The following SLC38A6 variants were observed in gnomAD, a reference collection of about 807,000 sequenced individuals.
SLC38A6 encodes the protein N system amino acid transporter NAT-1.
SLC38A6 carries 73 observed loss-of-function variants against 65.0 expected under a neutral mutation model. That is an observed-to-expected ratio of 1.12 (90% CI 0.93 to 1.37). The LOEUF (loss-of-function observed/expected upper bound fraction) is 1.37. SLC38A6 is among the 40% of genes most tolerant of loss of function. The pLI is 0.00. For missense variants in SLC38A6, 561 were observed against 531.1 expected (o/e 1.06, Z -0.55); for synonymous variants, 183 against 178.8 (o/e 1.02, Z -0.19).
At chr14:61,069,535 C>G (rs1035954837) in intron 15 of SLC38A6, among the ~76,000 whole-genome samples, 1 of 152,110 alleles carries the variant, frequency 6.6e-6, no homozygotes, top group African/African-American at 2.4e-5. Flanking sequence ...TTACTCCTCT[C>G]CCTACTCCCA....
In SLC38A6 at chr14:61,012,933, G is replaced by T. The variant is rs544852687; in HGVS notation, c.311-2971G>T. Among the ~76,000 whole-genome samples the T allele has an allele frequency of 2.0e-5, 3 of 152,092 alleles. No homozygotes were observed. The South Asian group carries it at 6.2e-4, about 32-fold the overall frequency. On this transcript the variant is annotated intron_variant, in intron 3 of 15. Coordinates refer to ENST00000267488, the MANE Select transcript of SLC38A6 (RefSeq NM_153811.3). ...TGCAGAGCTGAGTTCAATTCCTGGAGATCCTTGTTAACTTTCTGTCTCGTG... is the reference window on the plus strand; with the variant it reads ...TGCAGAGCTGAGTTCAATTCCTGGATATCCTTGTTAACTTTCTGTCTCGTG...
chr14:61,011,992 G>A (rs1464103391), intron 3 of SLC38A6, among the ~76,000 whole-genome samples: 1 of 152,112 alleles, frequency 6.6e-6, no homozygotes, highest in African/African-American at 2.4e-5. Context: ...GGTAAAATTC[G>A]GCTGTGATTG....
intron 1 of SLC38A6, chr14:60,982,162 G>A (rs1374466630): frequency 8.6e-6 from 4 of 463,504 alleles, no homozygotes; most frequent in Non-Finnish European, 1.7e-5. Flanking sequence ...CAATTCTTTA[G>A]TAATCACATG....
At chr14:61,067,520 G>A (rs994810834) in intron 15 of SLC38A6, among the ~76,000 whole-genome samples, 15 of 152,196 alleles carry the variant, frequency 9.9e-5, no homozygotes, top group African/African-American at 3.4e-4. Flanking sequence ...TAGTTTCATA[G>A]TAAATATTAT....
At chr14:61,061,671 G>T (rs2042845927) in intron 15 of SLC38A6, among the ~76,000 whole-genome samples, 1 of 152,010 alleles carries the variant, frequency 6.6e-6, no homozygotes, top group African/African-American at 2.4e-5. Context: ...GTCTTTTTGT[G>T]GCTTAATAGC....
At chr14:61,082,748 C>T (rs565479982) in intron 16 of SLC38A6, among the ~76,000 whole-genome samples, 4 of 152,300 alleles carry the variant, frequency 2.6e-5, no homozygotes, top group African/African-American at 7.2e-5. Context: ...CTGCTCATGA[C>T]TGCAGGGATC....
intron 15 of SLC38A6, among the ~76,000 whole-genome samples, chr14:61,069,159 T>C (rs2043135730): frequency 6.6e-6 from 1 of 152,206 alleles, no homozygotes; most frequent in Admixed American, 6.5e-5. Flanking sequence ...TTCTTAGAGC[T>C]TCCCAGATGA....
intron 15 of SLC38A6, among the ~76,000 whole-genome samples, chr14:61,064,644 G>T (rs1236219626): frequency 1.3e-5 from 2 of 149,214 alleles, no homozygotes; most frequent in African/African-American, 5.0e-5. Context: ...TGAGAGCAGT[G>T]CCCCCTTCAG....
intron 3 of SLC38A6, among the ~76,000 whole-genome samples, chr14:61,008,142 A>T (rs2039286946): frequency 6.6e-6 from 1 of 152,170 alleles, no homozygotes; most frequent in South Asian, 2.1e-4. Flanking sequence ...ATTCAAAGCT[A>T]AATTGCCCTT....
intron 15 of SLC38A6, 84 bp downstream of exon 15, chr14:61,052,219 A>T: frequency 1.5e-5 from 19 of 1,287,278 alleles, no homozygotes; most frequent in Non-Finnish European, 2.0e-5. Context: ...TGCATCAAGA[A>T]AGTCAATATA....
intron 5 of SLC38A6, among the ~76,000 whole-genome samples, chr14:61,021,606 C>G (rs750714926): frequency 1.1e-4 from 16 of 152,134 alleles, no homozygotes; most frequent in Non-Finnish European, 2.4e-4. Flanking sequence ...GTTTTCCCAA[C>G]TCTTAATTTT....
intron 12 of SLC38A6, among the ~76,000 whole-genome samples, chr14:61,046,530 T>C (rs2042159311): frequency 6.6e-6 from 1 of 152,118 alleles, no homozygotes; most frequent in Non-Finnish European, 1.5e-5. Context: ...GTTGGGTGAG[T>C]CAGTCATCTT....
chr14:61,066,481 A>C (rs995135211), intron 15 of SLC38A6, among the ~76,000 whole-genome samples: 1 of 152,180 alleles, frequency 6.6e-6, no homozygotes, highest in Non-Finnish European at 1.5e-5. Context: ...GTACAAAGTA[A>C]ATGGGTAGAA....
intron 5 of SLC38A6, among the ~76,000 whole-genome samples, chr14:61,025,470 T>C (rs1228897157): frequency 6.6e-6 from 1 of 152,198 alleles, no homozygotes; most frequent in Non-Finnish European, 1.5e-5. Context: ...TCTTGAGACT[T>C]GTCTAGAAAT....
intron 16 of SLC38A6, among the ~76,000 whole-genome samples, chr14:61,082,755 G>T (rs766029099): frequency 8.5e-5 from 13 of 152,140 alleles, no homozygotes; most frequent in Non-Finnish European, 1.9e-4. Context: ...TGACTGCAGG[G>T]ATCATGCCTC....
At chr14:61,041,792 C>G (rs775662180) in intron 8 of SLC38A6, among the ~76,000 whole-genome samples, 1 of 151,928 alleles carries the variant, frequency 6.6e-6, no homozygotes, top group Non-Finnish European at 1.5e-5. Flanking sequence ...CCCAGGCACT[C>G]GGGAGGCTGA....
chr14:61,010,055 C>G (rs149885779), intron 3 of SLC38A6, among the ~76,000 whole-genome samples: 1,572 of 152,268 alleles, frequency 0.01, 19 homozygotes, highest in Non-Finnish European at 0.012. Flanking sequence ...TGTTTCCTAA[C>G]TTTTTAATGA....
At chr14:61,017,911 A>G (rs2040115202) in intron 4 of SLC38A6, among the ~76,000 whole-genome samples, 1 of 152,330 alleles carries the variant, frequency 6.6e-6, no homozygotes, top group South Asian at 2.1e-4. Flanking sequence ...GATGTTATAT[A>G]GTTATAATAT....
rs774089549 is a variant in SLC38A6, at chr14:61,052,329, C to CT, written c.1291-14dup. On this transcript the variant is annotated intron_variant, in intron 15 of 15. Transcript: ENST00000267488. ...TTCTTTTATCTTTCTTATCTTTTAT[C>CT]TTTTTTCTTATTTCCACAGGCATTC... 1.3e-6 allele frequency: 2 copies of CT among 1,545,848 alleles called. No individual in the cohort carries two copies. Among genetic ancestry groups the CT allele is most frequent in the Non-Finnish European group, 1.7e-6 (2 of 1,146,478 alleles).
Sources: gnomAD v4.1 joint callset for allele counts (sites outside exome capture counted in the v4.1 genomes callset) on GRCh38, gnomAD v4.1.1 for gene constraint, MANE v1.5 for transcripts, NCBI Gene and HGNC (gene_info 2026-07-23, HGNC 2026-07-21) for gene names.